The following HPGD variants were observed in gnomAD, a reference collection of about 807,000 sequenced individuals.
The protein encoded by HPGD is 15-hydroxyprostaglandin dehydrogenase [NAD(+)].
Under a neutral mutation model 30.0 loss-of-function variants are expected in HPGD, and 29 were observed. That is an observed-to-expected ratio of 0.97 (90% CI 0.72 to 1.32). The LOEUF (loss-of-function observed/expected upper bound fraction) is 1.32, where lower values mean the gene tolerates loss of function less well. Among genes scored for constraint, HPGD ranks in the 40% most tolerant of loss-of-function variants. HPGD has a pLI of 0.00. For missense variants in HPGD, 340 were observed against 322.1 expected, an observed-to-expected ratio of 1.06 and a Z score of -0.43; for synonymous variants, 99 against 112.4, an observed-to-expected ratio of 0.88 and a Z score of 0.75.
chr4:174,517,907 T>G, intron 3 of HPGD, 64 bp downstream of exon 3: 1 of 898,046 alleles, frequency 1.1e-6, no homozygotes. Context: ...AAGAACCTTT[T>G]TTTCTTTACA....
At position 174,492,053 on chromosome 4, in the gene HPGD, T is replaced by C; in HGVS notation, c.704A>G (p.Asp235Gly). ...CATAATAGCACCATTTAAAGCATCATCTTCAATGAGTGTTATCAATCCATT... is the reference window on the plus strand; with the variant it reads ...CATAATAGCACCATTTAAAGCATCACCTTCAATGAGTGTTATCAATCCATT... ...IANGLITLIE[D>G]DALNGAIMKI... Residue 235 changes from aspartate to glycine, a missense_variant, in exon 7 of 7, where the codon GAT becomes GGT. Asp to Gly is a moderately conservative substitution (Grantham distance 94, BLOSUM62 -1). Coordinates refer to ENST00000296522, the MANE Select transcript of HPGD (RefSeq NM_000860.6). This position sits in a 1 kb window ranked among gnomAD's most constrained non-coding sequence, Gnocchi z 4.9. The C allele has an allele frequency of 6.2e-7, 1 of 1,609,980 alleles. No homozygotes were observed.
chr4:174,515,970 T>TA (rs1560988096), intron 3 of HPGD, among the ~76,000 whole-genome samples: 1 of 151,856 alleles, frequency 6.6e-6, no homozygotes, highest in South Asian at 2.1e-4. Context: ...CATTAAGAAG[T>TA]AAAAAATAAA....
Position 174,495,565 on chromosome 4 carries a change from A to G in HPGD, c.481T>C (p.Phe161Leu). The change falls in exon 5 of 7, where the codon TTC becomes CTC. Residue 161 changes from phenylalanine (F) to leucine (L), a missense_variant. Phe to Leu is a conservative substitution (Grantham distance 22, BLOSUM62 0). Transcript: ENST00000296522. ...AGCCTCACCGCTGCTGAGCGTGTGAATCCAACTATGCCATGCTTTGAAGCA... is the reference window on the plus strand; with the variant it reads ...AGCCTCACCGCTGCTGAGCGTGTGAGTCCAACTATGCCATGCTTTGAAGCA... ...YCASKHGIVG[F>L]TRSAALAANL... The G allele has an allele frequency of 6.2e-7, 1 of 1,613,518 alleles. No homozygotes were observed.
At chr4:174,497,098 G>C (rs1329258764) in intron 4 of HPGD, among the ~76,000 whole-genome samples, 1 of 152,162 alleles carries the variant, frequency 6.6e-6, no homozygotes, top group African/African-American at 2.4e-5. Flanking sequence ...GTTCTTGTTA[G>C]TCCCTGCTTT....
At chr4:174,513,462 T>C (rs548952556) in intron 3 of HPGD, among the ~76,000 whole-genome samples, 3 of 143,432 alleles carry the variant, frequency 2.1e-5, no homozygotes, top group Non-Finnish European at 4.5e-5. Context: ...AAATGCATAT[T>C]TTTTTTTTTT....
intron 4 of HPGD, among the ~76,000 whole-genome samples, chr4:174,506,538 G>A (rs1245184060): frequency 6.6e-6 from 1 of 152,134 alleles, no homozygotes; most frequent in East Asian, 1.9e-4. Context: ...AGGCTTACTT[G>A]ATGTATAAGC....
At chr4:174,522,217 C>T (rs370626036) in intron 1 of HPGD, 142 bp downstream of exon 1, 10 of 1,426,006 alleles carry the variant, frequency 7.0e-6, no homozygotes, top group East Asian at 4.6e-5. Context: ...GTGCTCACAG[C>T]CTCAGCTTCA....
At position 174,494,184 on chromosome 4, in the gene HPGD, G is replaced by A. The variant is rs1579269920; in HGVS notation, c.499-870C>T. ...ATTTGTGTTAGATAAATTTTGATCA[G>A]GCATGAGTAATAAGTGCTTTAGTAA... On this transcript the variant is annotated intron_variant, in intron 5 of 6. Coordinates refer to ENST00000296522, the MANE Select transcript of HPGD (RefSeq NM_000860.6). The surrounding 1 kb of genome is among the most constrained non-coding windows in gnomAD (Gnocchi z 4.9). Among the ~76,000 whole-genome samples, 1 of 152,130 alleles carries A rather than the reference G, an allele frequency of 6.6e-6. No homozygotes were observed. The highest frequency in any genetic ancestry group is 1.9e-4 in the East Asian group (1 of 5,194).
intron 4 of HPGD, chr4:174,508,036 A>G (rs1416005732): frequency 5.9e-6 from 4 of 680,758 alleles, no homozygotes; most frequent in Admixed American, 4.1e-5. Flanking sequence ...TTCTTAAAAG[A>G]GTAGCCATGC....
chr4:174,504,432 A>C (rs1232571982), intron 4 of HPGD, among the ~76,000 whole-genome samples: 2 of 152,146 alleles, frequency 1.3e-5, no homozygotes. Context: ...TCCCTAGTGA[A>C]CACCACAGCC....
Position 174,518,042 on chromosome 4 carries a change from G to A in HPGD, c.253C>T (p.Leu85=), listed in dbSNP as rs1560989454. ...FRKVVDHFGR[L]DILVNNAGVN... ...CCAGCATTATTGACCAAAATGTCCA[G>A]TCTTCCAAAGTGGTCTACAACTTTT... is the stretch of plus-strand genomic sequence containing the variant. Residue 85 remains leucine (L), a synonymous_variant, in exon 3 of 7, where the codon CTG becomes TTG. Transcript: ENST00000296522. The A allele has an allele frequency of 6.2e-7, 1 of 1,601,482 alleles. No individual in the cohort carries two copies. Among genetic ancestry groups the A allele is most frequent in the Non-Finnish European group, 8.6e-7 (1 of 1,168,876 alleles).
At chr4:174,495,482 A>G (rs1403611334) in intron 5 of HPGD, 66 bp downstream of exon 5, 11 of 1,202,312 alleles carry the variant, frequency 9.1e-6, no homozygotes, top group South Asian at 2.4e-5. Context: ...ATTCCTCTCT[A>G]CAGAATTCAT....
In HPGD at chr4:174,521,934, C is replaced by T. The variant is rs756300380; in HGVS notation, c.217+10G>A. 3 of 1,613,942 alleles carry T rather than the reference C, an allele frequency of 1.9e-6. No homozygotes were observed. The African/African-American group carries it at 4.0e-5, about 22-fold the overall frequency. ...CGTTCCCAGTTGACAGATTGATTCC[C>T]CTGTCTTACCTCTCAGTTGTTGCTG... On this transcript the variant is annotated intron_variant, in intron 2 of 6. Transcript: ENST00000296522.
intron 2 of HPGD, among the ~76,000 whole-genome samples, chr4:174,519,903 G>A (rs960627558): frequency 1.3e-5 from 2 of 152,224 alleles, no homozygotes; most frequent in African/African-American, 2.4e-5. Flanking sequence ...TCCTGACCTC[G>A]TGATCCGCCC....
rs778806407 is a variant in HPGD, at chr4:174,508,772, G to C, written c.345C>G (p.Thr115=). Residue 115 remains threonine, a synonymous_variant, in exon 4 of 7, where the codon ACC becomes ACG. Transcript: ENST00000296522. ...TACTCATGTAATCCAAACCAAGATAGGTTCCACTGATAACAGAAACCTAAT... is the reference window on the plus strand; with the variant it reads ...TACTCATGTAATCCAAACCAAGATACGTTCCACTGATAACAGAAACCTAAT... ...QINLVSVISG[T]YLGLDYMSKQ... is the part of the protein sequence containing the mutation. 3 of 1,599,470 alleles carry C rather than the reference G, an allele frequency of 1.9e-6. No individual in the cohort carries two copies. The highest frequency in any genetic ancestry group is 3.3e-5 in the Admixed American group (2 of 59,966).
rs540385405 is a variant in HPGD at position 174,490,234 on chromosome 4, T to C, written c.*1722A>G. On this transcript the variant is annotated 3_prime_UTR_variant, in exon 7 of 7. Coordinates refer to ENST00000296522, the MANE Select transcript of HPGD (RefSeq NM_000860.6). The surrounding 1 kb of genome is among the most constrained non-coding windows in gnomAD (Gnocchi z 4.4). ...CAATCAGTATACACCAGAGATGCCA[T>C]ATAACCATATGAATTTATTTAGAGC... 12 of 152,450 alleles carry C rather than the reference T, an allele frequency of 7.9e-5. No homozygotes were observed. Among genetic ancestry groups the C allele is most frequent in the African/African-American group, 2.9e-4 (12 of 41,582 alleles). 9.4% of individuals were successfully genotyped at this position (152,450 alleles called of 1,614,324 possible). A position where few individuals can be genotyped will look rare whatever the true frequency, so the allele number is the denominator to read the frequency against.
In HPGD at chr4:174,492,702, C is replaced by T. The variant is rs769674200; in HGVS notation, c.662+449G>A. On this transcript the variant is annotated intron_variant, in intron 6 of 6. Coordinates refer to ENST00000296522, the MANE Select transcript of HPGD (RefSeq NM_000860.6). This position sits in a 1 kb window ranked among gnomAD's most constrained non-coding sequence, Gnocchi z 4.9. ...AGGTCTGATTCCTTCAACATGATAA[C>T]TATGATTCATGAAATCCTCAGTTGC... 7.2e-5 allele frequency among the ~76,000 whole-genome samples: 11 copies of T among 151,966 alleles called. No homozygotes were observed. The highest frequency in any genetic ancestry group is 4.6e-4 in the Admixed American group (7 of 15,254).
At chr4:174,514,734 T>C (rs1735683583) in intron 3 of HPGD, among the ~76,000 whole-genome samples, 2 of 152,148 alleles carry the variant, frequency 1.3e-5, no homozygotes, top group Non-Finnish European at 2.9e-5. Flanking sequence ...CTATCTTTTT[T>C]TGCAAACGGT....
intron 2 of HPGD, among the ~76,000 whole-genome samples, chr4:174,519,695 A>G (rs1273139828): frequency 1.3e-5 from 2 of 151,938 alleles, no homozygotes; most frequent in Non-Finnish European, 2.9e-5. Flanking sequence ...TGTGACCCCC[A>G]CTGCTGCCCA....
Sources: allele counts gnomAD v4.1 joint callset (sites outside exome capture counted in the v4.1 genomes callset), GRCh38; gene constraint gnomAD v4.1.1; non-coding constraint Gnocchi (gnomAD v3.1); transcripts MANE v1.5; gene names NCBI Gene and HGNC (gene_info 2026-07-23, HGNC 2026-07-21).